CACNB2: variants seen among roughly 807,000 people sequenced by gnomAD.
CACNB2 encodes the protein voltage-dependent L-type calcium channel subunit beta-2.
Under a neutral mutation model 73.3 loss-of-function variants are expected in CACNB2, and 42 were observed. The observed-to-expected ratio is 0.57, with a 90% CI of 0.45 to 0.74. The LOEUF (loss-of-function observed/expected upper bound fraction) is 0.74, where lower values mean the gene tolerates loss of function less well. Ranked by LOEUF, CACNB2 falls within the 30% of genes least tolerant of loss-of-function variation. The probability of loss-of-function intolerance (pLI) is 0.00; values close to 1 mark genes in which losing one functional copy is unlikely to be tolerated. For missense variants in CACNB2, 940 were observed against 853.0 expected (o/e 1.10, Z -1.27); for synonymous variants, 348 against 310.3 (o/e 1.12, Z -1.28).
At chr10:18,241,244 C>T (rs1203583274) in intron 2 of CACNB2, among the ~76,000 whole-genome samples, 1 of 152,184 alleles carries the variant, frequency 6.6e-6, no homozygotes, top group African/African-American at 2.4e-5. Context: ...AAGGCTGTGT[C>T]ATGGGCACAC....
Position 18,499,637 on chromosome 10 carries a change from A to AAAAAAAAAAAAAAG in CACNB2, c.456+1162_456+1163insAAAAAAAAAAAGAA, listed in dbSNP as rs1554831784. Among the ~76,000 whole-genome samples, 2 of 92,540 alleles carry AAAAAAAAAAAAAAG rather than the reference A, an allele frequency of 2.2e-5. 1 individual carries two copies. Among genetic ancestry groups the AAAAAAAAAAAAAAG allele is most frequent in the Non-Finnish European group, 4.6e-5 (2 of 43,916 alleles). 60.7% of individuals were successfully genotyped at this position (92,540 alleles called of 152,430 possible). ...TCAAAGAAAAAAAAAAAAAAAAAAA[A>AAAAAAAAAAAAAAG]AAGAACCTAGAAGCCTGGGTACTAT... On this transcript the variant is annotated intron_variant, in intron 4 of 13. Coordinates refer to ENST00000324631, the MANE Select transcript of CACNB2 (RefSeq NM_201596.3).
intron 3 of CACNB2, among the ~76,000 whole-genome samples, chr10:18,448,682 G>A (rs1463061321): frequency 6.6e-6 from 1 of 152,116 alleles, no homozygotes; most frequent in South Asian, 2.1e-4. Context: ...TTGACCTGGG[G>A]ATGACAATTT....
chr10:18,487,478 A>C (rs961862637), intron 3 of CACNB2, among the ~76,000 whole-genome samples: 2 of 152,136 alleles, frequency 1.3e-5, no homozygotes, highest in African/African-American at 4.8e-5. Flanking sequence ...ATAGTGCTGG[A>C]GTCAGGGTGG....
intron 2 of CACNB2, among the ~76,000 whole-genome samples, chr10:18,359,442 T>C (rs906624165): frequency 1.3e-5 from 2 of 152,068 alleles, no homozygotes; most frequent in African/African-American, 4.8e-5. Flanking sequence ...CGGCTAATTT[T>C]TTTTTATTTT....
rs1057253067 is a variant in CACNB2 at position 18,314,876 on chromosome 10, A to G, written c.214-87048A>G. ...CACCAAAAGATTAAAAAACACTTAC[A>G]CTAAAAACTTACTAACTCAGAAAAA... On this transcript the variant is annotated intron_variant, in intron 2 of 13. Coordinates refer to ENST00000324631, the MANE Select transcript of CACNB2 (RefSeq NM_201596.3). Among the ~76,000 whole-genome samples the G allele has an allele frequency of 3.9e-5, 6 of 152,230 alleles. No homozygotes were observed. In the East Asian group the frequency reaches 1.2e-3, roughly 29 times the overall value.
intron 2 of CACNB2, among the ~76,000 whole-genome samples, chr10:18,323,492 A>G (rs2040471165): frequency 1.3e-5 from 2 of 152,230 alleles, no homozygotes; most frequent in South Asian, 4.1e-4. Flanking sequence ...ATGTTGGTGA[A>G]CATTTAGTCT....
At chr10:18,325,716 TTC>T (rs1253862398) in intron 2 of CACNB2, among the ~76,000 whole-genome samples, 1 of 126,220 alleles carries the variant, frequency 7.9e-6, no homozygotes, top group Non-Finnish European at 1.7e-5. Flanking sequence ...CCTTCCTTCC[TTC>T]TCTCTCTTTC....
intron 3 of CACNB2, among the ~76,000 whole-genome samples, chr10:18,496,145 C>A (rs1028177547): frequency 7.2e-6 from 1 of 139,702 alleles, no homozygotes; most frequent in Non-Finnish European, 1.5e-5. Context: ...GGGATCGTGC[C>A]ACTGCACTCC....
At chr10:18,245,231 A>G (rs2036814911) in intron 2 of CACNB2, among the ~76,000 whole-genome samples, 1 of 149,918 alleles carries the variant, frequency 6.7e-6, no homozygotes. Flanking sequence ...CAGTGTGTAG[A>G]AATGTCTTCT....
At chr10:18,453,371 C>T (rs2047107800) in intron 3 of CACNB2, among the ~76,000 whole-genome samples, 1 of 152,220 alleles carries the variant, frequency 6.6e-6, no homozygotes, top group African/African-American at 2.4e-5. Context: ...TCCTTCCTGC[C>T]AGTCCCACCT....
intron 2 of CACNB2, among the ~76,000 whole-genome samples, chr10:18,333,889 G>A (rs2040901062): frequency 6.6e-6 from 1 of 152,014 alleles, no homozygotes. Context: ...TCGTCTCCTG[G>A]CAACGTAACA....
chr10:18,158,992 T>C (rs2032257650), intron 2 of CACNB2, among the ~76,000 whole-genome samples: 1 of 152,144 alleles, frequency 6.6e-6, no homozygotes, highest in Non-Finnish European at 1.5e-5. Context: ...TGCCACTGCT[T>C]ATTTAGTGTA....
chr10:18,482,587 T>C (rs1337403527), intron 3 of CACNB2, among the ~76,000 whole-genome samples: 1 of 152,210 alleles, frequency 6.6e-6, no homozygotes, highest in Non-Finnish European at 1.5e-5. Context: ...CACGGTTCAC[T>C]GCAACCTCCA....
At position 18,167,964 on chromosome 10, in the gene CACNB2, T is replaced by C. The variant is rs74765849; in HGVS notation, c.213+16989T>C. ...CCCAACCCCATTGCAAGCAGTTTGT[T>C]GCCTTGAAACCCCTTTGGTGTGGAA... is the stretch of plus-strand genomic sequence containing the variant. On this transcript the variant is annotated intron_variant, in intron 2 of 13. Transcript: ENST00000324631. 3.2e-3 allele frequency among the ~76,000 whole-genome samples: 490 copies of C among 152,328 alleles called. 2 individuals are homozygous for C. The highest frequency in any genetic ancestry group is 0.011 in the African/African-American group (473 of 41,564).
At chr10:18,157,019 G>A (rs982855767) in intron 2 of CACNB2, among the ~76,000 whole-genome samples, 4 of 149,736 alleles carry the variant, frequency 2.7e-5, no homozygotes, top group East Asian at 2.0e-4. Flanking sequence ...CTCAGATTGC[G>A]CCATTGCACT....
chr10:18,313,698 A>G (rs928611876), intron 2 of CACNB2, among the ~76,000 whole-genome samples: 12 of 152,238 alleles, frequency 7.9e-5, no homozygotes, highest in African/African-American at 2.9e-4. Context: ...AATATGCTCC[A>G]CTAAAGCCAT....
chr10:18,204,187 A>G lies in CACNB2; in HGVS notation c.213+53212A>G, dbSNP rs1181010659. On this transcript the variant is annotated intron_variant, in intron 2 of 13. Transcript: ENST00000324631. The stretch of plus-strand genomic sequence containing the variant: ...AGATGGTCCCTACGATAGTTGCTAT[A>G]GAAACCAAACCTTTTTCATCAATCT... Among the ~76,000 whole-genome samples the G allele has an allele frequency of 2.6e-5, 4 of 152,340 alleles. No homozygotes were observed. The East Asian group carries it at 7.7e-4, about 29-fold the overall frequency.
intron 2 of CACNB2, among the ~76,000 whole-genome samples, chr10:18,166,089 G>A (rs2032832689): frequency 6.6e-6 from 1 of 152,060 alleles, no homozygotes; most frequent in African/African-American, 2.4e-5. Flanking sequence ...TTCCTTCTAT[G>A]GATGTCTTTA....
intron 3 of CACNB2, among the ~76,000 whole-genome samples, chr10:18,468,249 C>T (rs1160742418): frequency 2.0e-5 from 3 of 152,000 alleles, no homozygotes; most frequent in Non-Finnish European, 4.4e-5. Flanking sequence ...TTCTTGAGCT[C>T]GAGTTTGAGA....
Sources: gnomAD v4.1 joint callset for allele counts (sites outside exome capture counted in the v4.1 genomes callset) on GRCh38, gnomAD v4.1.1 for gene constraint, MANE v1.5 for transcripts, NCBI Gene and HGNC (gene_info 2026-07-23, HGNC 2026-07-21) for gene names.